Variants in COG6 observed in about 807,000 individuals in gnomAD.
The protein encoded by COG6 is conserved oligomeric Golgi complex subunit 6.
A neutral mutation model predicts 88.8 loss-of-function variants in COG6; 74 were observed. The ratio of observed to expected loss-of-function variants is 0.83; its 90% CI spans 0.69 to 1.01. COG6 has a LOEUF of 1.01. Among genes scored for constraint, COG6 ranks in the 50% least tolerant of loss-of-function variants. The probability of loss-of-function intolerance (pLI) is 0.00; values close to 1 mark genes in which losing one functional copy is unlikely to be tolerated. For synonymous variants in COG6, 286 were observed against 278.7 expected, an observed-to-expected ratio of 1.03 and a Z score of -0.26; for missense variants, 800 against 797.9, an observed-to-expected ratio of 1.00 and a Z score of -0.03.
chr13:39,681,652 T>G (rs568496111), intron 7 of COG6, among the ~76,000 whole-genome samples: 2 of 152,336 alleles, frequency 1.3e-5, no homozygotes, highest in South Asian at 4.1e-4. Context: ...TTGTGAGCAT[T>G]TTATAGATAA....
At chr13:39,746,341 T>A (rs906323502) in intron 18 of COG6, among the ~76,000 whole-genome samples, 2 of 152,056 alleles carry the variant, frequency 1.3e-5, no homozygotes, top group African/African-American at 4.8e-5. Context: ...TCCCGTCAGC[T>A]ATGGACTAGG....
chr13:39,665,798 T>C (rs1475124622), intron 4 of COG6, among the ~76,000 whole-genome samples: 2 of 152,218 alleles, frequency 1.3e-5, no homozygotes, highest in Non-Finnish European at 2.9e-5. Flanking sequence ...CACTTAAACC[T>C]TTTAGTATTC....
intron 13 of COG6, among the ~76,000 whole-genome samples, chr13:39,707,124 T>C (rs1002826704): frequency 2.6e-5 from 4 of 151,508 alleles, no homozygotes; most frequent in African/African-American, 7.3e-5. Flanking sequence ...GAAGAACAAA[T>C]GAGCTCACTT....
chr13:39,743,542 A>C (rs1436348991), intron 18 of COG6, among the ~76,000 whole-genome samples: 1 of 152,188 alleles, frequency 6.6e-6, no homozygotes, highest in Non-Finnish European at 1.5e-5. Context: ...CACCCTCCCA[A>C]GACTAAACCA....
Position 39,659,396 on chromosome 13 carries a change from CT to C in COG6, c.192del (p.Phe64LeufsTer21), listed in dbSNP as rs1566167323. The C allele has an allele frequency of 3.7e-6, 6 of 1,613,426 alleles. No homozygotes were observed. The highest frequency in any genetic ancestry group is 5.1e-6 in the Non-Finnish European group (6 of 1,179,610). On this transcript the variant is annotated frameshift_variant, in exon 2 of 19. Coordinates refer to ENST00000455146, the MANE Select transcript of COG6 (RefSeq NM_020751.3). LOFTEE classifies it high-confidence loss of function. ...MLEALKALST[F>X]FVENSLRTRR... Reference sequence around the variant, plus strand: ...TAGAAGCTCTCAAGGCACTTTCAACCTTTTTTGTTGAAAATAGTCTGCGGAC... The same window carrying C: ...TAGAAGCTCTCAAGGCACTTTCAACCTTTTTGTTGAAAATAGTCTGCGGAC...
intron 2 of COG6, 116 bp downstream of exon 2, chr13:39,659,623 A>G: frequency 1.2e-6 from 1 of 805,366 alleles, no homozygotes; most frequent in South Asian, 1.6e-5. Context: ...CTATGCCCAA[A>G]TAGAAAGCTT....
Position 39,656,067 on chromosome 13 carries a change from A to G in COG6, c.153+188A>G, listed in dbSNP as rs528371315. 2,195 of 758,988 alleles carry G rather than the reference A, an allele frequency of 2.9e-3. 10 individuals are homozygous for G. Among genetic ancestry groups the G allele is most frequent in the Non-Finnish European group, 4.0e-3 (1,715 of 428,298 alleles). 47.0% of individuals were successfully genotyped at this position (758,988 alleles called of 1,614,324 possible). A position where few individuals can be genotyped will look rare whatever the true frequency, so the allele number is the denominator to read the frequency against. On this transcript the variant is annotated intron_variant, in intron 1 of 18. Transcript: ENST00000455146. ...GCGGTGAGAAGGGGGAGCCCCAGCA[A>G]CCTCCGGAAAAGCGAAGGGGTTTCC...
chr13:39,713,786 T>C (rs1878372938), intron 13 of COG6, among the ~76,000 whole-genome samples: 1 of 152,192 alleles, frequency 6.6e-6, no homozygotes, highest in African/African-American at 2.4e-5. Context: ...GTTTAACCAT[T>C]AGAAATGAAT....
chr13:39,758,218 C>CA (rs34210362), intron 18 of COG6, among the ~76,000 whole-genome samples: 3,777 of 55,516 alleles, frequency 0.068, 211 homozygotes, highest in Admixed American at 0.12. Context: ...GATGCCTTCT[C>CA]AAAAAAAAAA....
intron 18 of COG6, among the ~76,000 whole-genome samples, chr13:39,776,691 C>A (rs1881473997): frequency 6.6e-6 from 1 of 152,186 alleles, no homozygotes; most frequent in Admixed American, 6.5e-5. Flanking sequence ...ATGTCTACTG[C>A]TGTATTCTTT....
chr13:39,770,497 A>C lies in COG6; in HGVS notation c.1827-17838A>C, dbSNP rs188287659. Reference sequence around the variant, plus strand: ...TAAGTGATTTGTCTTATATGACAGAAGCTTGACTGAAGCCCAGGTCTTCTG... The same window carrying C: ...TAAGTGATTTGTCTTATATGACAGACGCTTGACTGAAGCCCAGGTCTTCTG... On this transcript the variant is annotated intron_variant, in intron 18 of 18. Coordinates refer to the COG6 transcript ENST00000416691. 1.6e-3 allele frequency among the ~76,000 whole-genome samples: 244 copies of C among 152,376 alleles called. 4 individuals carry two copies. Among genetic ancestry groups the C allele is most frequent in the Middle Eastern group, 6.8e-3 (2 of 294 alleles).
At chr13:39,747,419 C>A (rs114429746) in intron 18 of COG6, among the ~76,000 whole-genome samples, 1,546 of 152,182 alleles carry the variant, frequency 0.01, 30 homozygotes, top group African/African-American at 0.035. Context: ...AGGAGCAGTT[C>A]CTTATTCTTT....
At position 39,655,839 on chromosome 13, in the gene COG6, A is replaced by G. The variant is rs1276990296; in HGVS notation, c.113A>G (p.Lys38Arg). ...ACGACCTGCAACCCGCTGTCGCGCA[A>G]GCTGCATAAGATCCTGGAGACGCGG... Reference protein sequence around the residue: ...SATTCNPLSRKLHKILETRLD... With the variant: ...SATTCNPLSRRLHKILETRLD... The change falls in exon 1 of 19, where the codon AAG becomes AGG. Residue 38 changes from lysine (K) to arginine (R), a missense_variant. By Grantham distance (26) the Lys-to-Arg change is conservative (BLOSUM62 2). Transcript: ENST00000455146. The G allele has an allele frequency of 1.1e-5, 17 of 1,605,878 alleles. No individual in the cohort carries two copies. Among genetic ancestry groups the G allele is most frequent in the Non-Finnish European group, 1.4e-5 (16 of 1,177,102 alleles).
intron 2 of COG6, among the ~76,000 whole-genome samples, chr13:39,660,017 A>G (rs746579491): frequency 6.6e-6 from 1 of 152,186 alleles, no homozygotes; most frequent in South Asian, 2.1e-4. Context: ...TATCTTTATT[A>G]TGTAATATTT....
chr13:39,682,126 T>C lies in COG6; in HGVS notation c.695-45T>C, dbSNP rs748699478. ...TGGAATGCAACAGACATAATAAACA[T>C]CTAAGCTGAATTTAACAAAAGTTAT... On this transcript the variant is annotated intron_variant, in intron 7 of 18. Coordinates refer to ENST00000455146, the MANE Select transcript of COG6 (RefSeq NM_020751.3). 3.0e-6 allele frequency: 4 copies of C among 1,348,232 alleles called. No homozygotes were observed. In the South Asian group the frequency reaches 4.7e-5, roughly 16 times the overall value. 83.5% of individuals were successfully genotyped at this position (1,348,232 alleles called of 1,614,324 possible).
intron 18 of COG6, among the ~76,000 whole-genome samples, chr13:39,748,830 G>A (rs530380786): frequency 9.2e-5 from 14 of 152,222 alleles, no homozygotes; most frequent in African/African-American, 2.6e-4. Context: ...ACTCCAACTC[G>A]TCAAGAGTTT....
At chr13:39,676,887 G>A (rs749998957) in intron 4 of COG6, among the ~76,000 whole-genome samples, 3 of 152,020 alleles carry the variant, frequency 2.0e-5, no homozygotes, top group Non-Finnish European at 4.4e-5. Flanking sequence ...TAGATAGGTT[G>A]CACTCATATA....
At chr13:39,756,640 C>CATCACTTGT (rs1880844461), downstream of COG6, among the ~76,000 whole-genome samples, 1 of 151,886 alleles carries the variant, frequency 6.6e-6, no homozygotes, top group Non-Finnish European at 1.5e-5. Context: ...AGAGGTAATT[C>CATCACTTGT]ATCACGTACA....
At chr13:39,715,808 T>A (rs1878496327) in intron 13 of COG6, among the ~76,000 whole-genome samples, 3 of 152,176 alleles carry the variant, frequency 2.0e-5, no homozygotes, top group Middle Eastern at 3.4e-3. Context: ...GGGGCAGAGA[T>A]CACTCTATTA....
Sources: gnomAD v4.1 joint callset for allele counts (sites outside exome capture counted in the v4.1 genomes callset) on GRCh38, gnomAD v4.1.1 for gene constraint, MANE v1.5 for transcripts, NCBI Gene and HGNC (gene_info 2026-07-23, HGNC 2026-07-21) for gene names.